Variants in ASTN2 observed in about 807,000 individuals in gnomAD.
ASTN2 encodes the protein astrotactin 2, also known as astrotactin-2.
ASTN2 carries 54 observed loss-of-function variants against 139.8 expected under a neutral mutation model. The observed-to-expected ratio is 0.39, with a 90% CI of 0.31 to 0.48. ASTN2 has a LOEUF of 0.48. Ranked by LOEUF, ASTN2 falls within the 20% of genes least tolerant of loss-of-function variation. The pLI is 0.95. For synonymous variants in ASTN2, 756 were observed against 719.5 expected (o/e 1.05, Z -0.81); for missense variants, 1,565 against 1,725.1 (o/e 0.91, Z 1.64).
At chr9:116,838,140 C>T (rs1053999944) in intron 11 of ASTN2, among the ~76,000 whole-genome samples, 9 of 144,948 alleles carry the variant, frequency 6.2e-5, no homozygotes, top group Admixed American at 3.6e-4. Flanking sequence ...GACAGAGTCA[C>T]GCTCTGTCAC....
intron 10 of ASTN2, among the ~76,000 whole-genome samples, chr9:116,924,429 CAAAAAAA>C (rs35015769): frequency 3.5e-4 from 19 of 55,016 alleles, no homozygotes; most frequent in East Asian, 2.0e-3. Flanking sequence ...GACTTCATCT[CAAAAAAA>C]AAAAAAAAAA....
chr9:116,683,848 C>A (rs548139339), intron 16 of ASTN2, among the ~76,000 whole-genome samples: 1 of 152,090 alleles, frequency 6.6e-6, no homozygotes, highest in Non-Finnish European at 1.5e-5. Flanking sequence ...TGTCTTGTAA[C>A]AGGACACAAC....
intron 5 of ASTN2, among the ~76,000 whole-genome samples, chr9:117,061,150 TATTTA>T (rs1564407302): frequency 7.7e-6 from 1 of 130,484 alleles, no homozygotes; most frequent in Admixed American, 7.3e-5. Flanking sequence ...TTTATTTATT[TATTTA>T]TTTATTTATT....
rs558834067 is a variant in ASTN2, at chr9:116,719,156, G to A, written c.2806+6615C>T. Among the ~76,000 whole-genome samples the A allele has an allele frequency of 5.3e-5, 8 of 151,632 alleles. No homozygotes were observed. In the East Asian group the frequency reaches 1.2e-3, roughly 22 times the overall value. On this transcript the variant is annotated intron_variant, in intron 16 of 22. Coordinates refer to ENST00000313400, the MANE Select transcript of ASTN2 (RefSeq NM_001365068.1). ...GAGAACAAAGCTGGAATCCAGACAA[G>A]CTATGATGGTGACTTGGAATAGGGT...
At chr9:117,206,533 G>A (rs1415366854) in intron 3 of ASTN2, among the ~76,000 whole-genome samples, 2 of 152,096 alleles carry the variant, frequency 1.3e-5, no homozygotes, top group Non-Finnish European at 2.9e-5. Flanking sequence ...CACCTCATGA[G>A]TGTGCCCTGC....
At chr9:116,939,269 T>C (rs1835161629) in intron 10 of ASTN2, among the ~76,000 whole-genome samples, 1 of 151,952 alleles carries the variant, frequency 6.6e-6, no homozygotes, top group Admixed American at 6.5e-5. Flanking sequence ...GTAGTAGCTA[T>C]AGTAAGATAC....
chr9:116,786,842 G>A (rs543138429), intron 13 of ASTN2, among the ~76,000 whole-genome samples: 1 of 152,294 alleles, frequency 6.6e-6, no homozygotes, highest in East Asian at 1.9e-4. Context: ...ATTGAGTCAT[G>A]GGTCCTGGGA....
intron 17 of ASTN2, among the ~76,000 whole-genome samples, chr9:116,628,191 A>T (rs1856557216): frequency 6.6e-6 from 1 of 152,196 alleles, no homozygotes. Context: ...TGTAAGTCAA[A>T]TGTCAGCAAT....
intron 10 of ASTN2, among the ~76,000 whole-genome samples, chr9:116,890,656 A>G (rs1323410836): frequency 1.3e-5 from 2 of 152,226 alleles, no homozygotes; most frequent in East Asian, 1.9e-4. Flanking sequence ...CTTGTTTGAA[A>G]GATGAAAATG....
intron 1 of ASTN2, among the ~76,000 whole-genome samples, chr9:117,346,231 G>A (rs1374822203): frequency 1.3e-5 from 2 of 152,072 alleles, no homozygotes; most frequent in Non-Finnish European, 2.9e-5. Context: ...AAAAGGATTT[G>A]CATATCTCAA....
chr9:116,442,392 G>T, intron 21 of ASTN2, 61 bp downstream of exon 21: 1 of 1,275,828 alleles, frequency 7.8e-7, no homozygotes, highest in South Asian at 1.2e-5. Context: ...AGTGACTGTT[G>T]GGTGCAGAAC....
rs142472597 is a variant in ASTN2, at chr9:116,473,763, C to T, written c.3497+13596G>A. On this transcript the variant is annotated intron_variant, in intron 20 of 22. Transcript: ENST00000313400. Reference sequence around the variant, plus strand: ...ACTAAAAATACAAAAATTAGCTGGGCGTGTTGGTGGGCACCTGTAACCCAG... The same window carrying T: ...ACTAAAAATACAAAAATTAGCTGGGTGTGTTGGTGGGCACCTGTAACCCAG... Among the ~76,000 whole-genome samples the T allele has an allele frequency of 5.9e-3, 902 of 152,070 alleles. 10 individuals carry two copies. The highest frequency in any genetic ancestry group is 0.019 in the African/African-American group (802 of 41,478).
chr9:116,459,940 A>G (rs1267830321), intron 20 of ASTN2, among the ~76,000 whole-genome samples: 1 of 152,132 alleles, frequency 6.6e-6, no homozygotes, highest in Non-Finnish European at 1.5e-5. Flanking sequence ...CTCCACAGAA[A>G]GACTTGCATA....
chr9:117,180,603 T>C (rs1831035782), intron 3 of ASTN2: 1 of 1,152,360 alleles, frequency 8.7e-7, no homozygotes, highest in Non-Finnish European at 1.2e-6. Flanking sequence ...CCGAGCACCA[T>C]TCTAAACAAC....
intron 10 of ASTN2, among the ~76,000 whole-genome samples, chr9:116,931,237 T>C (rs1261156071): frequency 2.0e-5 from 3 of 152,170 alleles, no homozygotes; most frequent in African/African-American, 7.2e-5. Flanking sequence ...TTCAAACTGA[T>C]CTTTATGCTT....
intron 2 of ASTN2, among the ~76,000 whole-genome samples, chr9:117,222,395 A>G (rs1486996626): frequency 6.6e-6 from 1 of 152,100 alleles, no homozygotes; most frequent in Non-Finnish European, 1.5e-5. Flanking sequence ...CTCTGCTCCC[A>G]GTAAGCTGGG....
intron 1 of ASTN2, among the ~76,000 whole-genome samples, chr9:117,350,080 G>A (rs1020154817): frequency 1.3e-5 from 2 of 152,120 alleles, no homozygotes; most frequent in African/African-American, 4.8e-5. Context: ...AATGTAAGAT[G>A]GTAACATTAG....
intron 5 of ASTN2, among the ~76,000 whole-genome samples, chr9:117,053,445 C>T (rs1385300229): frequency 6.8e-6 from 1 of 147,492 alleles, no homozygotes; most frequent in Admixed American, 6.7e-5. Context: ...GAGAGAGACC[C>T]TGTCTCTTGA....
At position 116,699,451 on chromosome 9, in the gene ASTN2, C is replaced by T. The variant is rs746590049; in HGVS notation, c.2806+26320G>A. ...GGTCGCCAGATTAGCCACTTCTTCT[C>T]GGAGAATGAGGATTTCCGCTGCATT... On this transcript the variant is annotated intron_variant, in intron 16 of 22. Transcript: ENST00000313400. This position sits in a 1 kb window ranked among gnomAD's most constrained non-coding sequence, Gnocchi z 4.2. 8.7e-6 allele frequency: 14 copies of T among 1,614,058 alleles called. No homozygotes were observed. Among genetic ancestry groups the T allele is most frequent in the African/African-American group, 1.3e-5 (1 of 74,914 alleles).
Sources: gnomAD v4.1 joint callset for allele counts (sites outside exome capture counted in the v4.1 genomes callset) on GRCh38, gnomAD v4.1.1 for gene constraint, Gnocchi (gnomAD v3.1) non-coding constraint, MANE v1.5 for transcripts, NCBI Gene and HGNC (gene_info 2026-07-23, HGNC 2026-07-21) for gene names.